The following PTPN9 variants were observed in gnomAD, a reference collection of about 807,000 sequenced individuals.
The protein encoded by PTPN9 is protein tyrosine phosphatase non-receptor type 9, also known as tyrosine-protein phosphatase non-receptor type 9.
Under a neutral mutation model 69.8 loss-of-function variants are expected in PTPN9, and 26 were observed. The observed-to-expected ratio is 0.37, with a 90% confidence interval of 0.27 to 0.52. The LOEUF (loss-of-function observed/expected upper bound fraction) is 0.52. Ranked by LOEUF, PTPN9 falls within the 20% of genes least tolerant of loss-of-function variation. The pLI is 0.91. For missense variants in PTPN9, 549 were observed against 740.3 expected (o/e 0.74, Z 3.00); for synonymous variants, 274 against 272.5 (o/e 1.01, Z -0.05).
rs77420548 is a variant in PTPN9 at position 75,506,981 on chromosome 15, C to A, written c.640-978G>T. Among the ~76,000 whole-genome samples, 357 of 152,252 alleles carry A rather than the reference C, an allele frequency of 2.3e-3. 9 individuals carry two copies. In the East Asian group the frequency reaches 0.062, roughly 27 times the overall value. On this transcript the variant is annotated intron_variant, in intron 6 of 12. Transcript: ENST00000618819. ...TGTATCTCTGTGTTCCCTATCAAGACCATGAGCTCCTTGAGGGTAGACTGT... is the reference window on the plus strand; with the variant it reads ...TGTATCTCTGTGTTCCCTATCAAGAACATGAGCTCCTTGAGGGTAGACTGT...
chr15:75,486,036 G>A (rs994350051), intron 8 of PTPN9, among the ~76,000 whole-genome samples: 1 of 145,216 alleles, frequency 6.9e-6, no homozygotes, highest in Non-Finnish European at 1.5e-5. Context: ...GGAGGTGGAG[G>A]TTGCAGTGAG....
intron 5 of PTPN9, among the ~76,000 whole-genome samples, chr15:75,511,865 T>G (rs2074846576): frequency 8.2e-6 from 1 of 121,898 alleles, no homozygotes; most frequent in East Asian, 2.3e-4. Context: ...GAGACTCACT[T>G]TAATATTTTT....
chr15:75,578,738 C>A lies in PTPN9; in HGVS notation c.39G>T (p.Pro13=). 2 of 1,332,246 alleles carry A rather than the reference C, an allele frequency of 1.5e-6. No individual in the cohort carries two copies. Among genetic ancestry groups the A allele is most frequent in the Non-Finnish European group, 1.9e-6 (2 of 1,039,692 alleles). 82.5% of individuals were successfully genotyped at this position (1,332,246 alleles called of 1,614,324 possible). Reference sequence around the variant, plus strand: ...CCTGCTCCTCCTCCGGGGTCAGCTCCGGCGCCATGTCGGGCCGGGGCGCGG... The same window carrying A: ...CCTGCTCCTCCTCCGGGGTCAGCTCAGGCGCCATGTCGGGCCGGGGCGCGG... ...PATAPRPDMA[P]ELTPEEEQAT... The change falls in exon 1 of 13, where the codon CCG becomes CCT. Residue 13 remains proline, a synonymous_variant. Coordinates refer to ENST00000618819, the MANE Select transcript of PTPN9 (RefSeq NM_002833.4).
chr15:75,485,358 T>TA, intron 8 of PTPN9, among the ~76,000 whole-genome samples: 1 of 132,854 alleles, frequency 7.5e-6, no homozygotes, highest in South Asian at 2.6e-4. Context: ...TCACTTCTTT[T>TA]TTTTTTTTTT....
intron 1 of PTPN9, among the ~76,000 whole-genome samples, chr15:75,530,809 A>T (rs192377289): frequency 7.2e-4 from 64 of 88,836 alleles, no homozygotes; most frequent in African/African-American, 2.6e-3. Flanking sequence ...ATATTATAAT[A>T]TATCATAATA....
chr15:75,527,352 C>T (rs2074933868), intron 1 of PTPN9, 91 bp from the exon 2 acceptor site: 1 of 1,447,976 alleles, frequency 6.9e-7, no homozygotes, highest in South Asian at 1.3e-5. Context: ...CATCCCTTCT[C>T]CAAGCAAGTC....
intron 7 of PTPN9, among the ~76,000 whole-genome samples, chr15:75,498,928 A>G (rs898212066): frequency 6.6e-6 from 1 of 152,170 alleles, no homozygotes; most frequent in African/African-American, 2.4e-5. Flanking sequence ...GGGGAAGTCT[A>G]AATCAGATTG....
At position 75,468,051 on chromosome 15, in the gene PTPN9, T is replaced by C. The variant is rs1032404000; in HGVS notation, c.*718A>G. On this transcript the variant is annotated 3_prime_UTR_variant, in exon 13 of 13. Coordinates refer to ENST00000618819, the MANE Select transcript of PTPN9 (RefSeq NM_002833.4). ...CTCTGTAGCCTGACAAGAGGAGACATGATCACCAACCCAAGCTAGTCCAGG... is the reference window on the plus strand; with the variant it reads ...CTCTGTAGCCTGACAAGAGGAGACACGATCACCAACCCAAGCTAGTCCAGG... The C allele has an allele frequency of 6.6e-6, 1 of 152,534 alleles. No individual in the cohort carries two copies. The highest frequency in any genetic ancestry group is 2.4e-5 in the African/African-American group (1 of 41,402). The allele number at this position is 152,534 out of a possible 1,614,324, so 9.4% of individuals were successfully genotyped here. A position where few individuals can be genotyped will look rare whatever the true frequency, so the allele number is the denominator to read the frequency against.
At chr15:75,486,669 A>G (rs1205368064) in intron 8 of PTPN9, among the ~76,000 whole-genome samples, 1 of 152,222 alleles carries the variant, frequency 6.6e-6, no homozygotes, top group Non-Finnish European at 1.5e-5. Flanking sequence ...TTCACTAAAA[A>G]ACCTGAATCC....
chr15:75,504,317 A>T (rs1267389266), intron 7 of PTPN9, among the ~76,000 whole-genome samples: 483 of 79,134 alleles, frequency 6.1e-3, no homozygotes, highest in Admixed American at 7.5e-3. Context: ...GCCTCTGCCC[A>T]GCCGCCCCTA....
chr15:75,577,856 C>T (rs942838783), intron 1 of PTPN9, among the ~76,000 whole-genome samples: 2 of 152,068 alleles, frequency 1.3e-5, no homozygotes, highest in African/African-American at 4.8e-5. Flanking sequence ...AAGGAAGAGA[C>T]AGCGAAAAGC....
At chr15:75,566,187 C>CT (rs1195070510) in intron 1 of PTPN9, among the ~76,000 whole-genome samples, 4 of 151,726 alleles carry the variant, frequency 2.6e-5, no homozygotes, top group African/African-American at 9.7e-5. Flanking sequence ...ACAAAGGAAG[C>CT]TGAGGGATTC....
chr15:75,553,528 C>T (rs114932845), intron 1 of PTPN9, among the ~76,000 whole-genome samples: 8 of 152,218 alleles, frequency 5.3e-5, no homozygotes, highest in African/African-American at 1.7e-4. Context: ...ATATTCCCTC[C>T]ACTCCATCCA....
chr15:75,515,352 G>A (rs570621425), intron 5 of PTPN9, among the ~76,000 whole-genome samples: 1 of 151,472 alleles, frequency 6.6e-6, no homozygotes, highest in East Asian at 1.9e-4. Context: ...GCGTGAACCT[G>A]GGAGGCGGAG....
At chr15:75,501,685 T>G (rs544826443) in intron 7 of PTPN9, among the ~76,000 whole-genome samples, 1 of 152,102 alleles carries the variant, frequency 6.6e-6, no homozygotes, top group Non-Finnish European at 1.5e-5. Flanking sequence ...CTCAAACTCC[T>G]GGGCACAAAT....
intron 1 of PTPN9, among the ~76,000 whole-genome samples, chr15:75,547,060 C>A (rs2075036257): frequency 6.6e-6 from 1 of 151,580 alleles, no homozygotes; most frequent in Non-Finnish European, 1.5e-5. Flanking sequence ...CTTTGGGAGG[C>A]CTGGGTGGGT....
chr15:75,575,918 C>CAA lies in PTPN9; in HGVS notation c.63+2794_63+2795dup, dbSNP rs759810846. The stretch of plus-strand genomic sequence containing the variant: ...TGGGCAACAGAGCAAGACTCCATCT[C>CAA]AAAAAAAAAAAAAAAAAAAAAAAGA... On this transcript the variant is annotated intron_variant, in intron 1 of 12. Transcript: ENST00000618819. Among the ~76,000 whole-genome samples, 329 of 38,218 alleles carry CAA rather than the reference C, an allele frequency of 8.6e-3. 8 individuals carry two copies. The highest frequency in any genetic ancestry group is 0.083 in the Middle Eastern group (3 of 36). The allele number at this position is 38,218 out of a possible 152,430, so 25.1% of individuals were successfully genotyped here.
intron 1 of PTPN9, among the ~76,000 whole-genome samples, chr15:75,563,170 G>T (rs1250512831): frequency 2.6e-5 from 4 of 151,998 alleles, no homozygotes; most frequent in Non-Finnish European, 5.9e-5. Flanking sequence ...CCACTTATAA[G>T]TGATAATGTA....
intron 2 of PTPN9, among the ~76,000 whole-genome samples, 157 bp downstream of exon 2, chr15:75,526,961 C>CA (rs1386824494): frequency 6.6e-6 from 1 of 152,170 alleles, no homozygotes; most frequent in Non-Finnish European, 1.5e-5. Flanking sequence ...CTGCCTTGCC[C>CA]AGCTTCAGCT....
Sources: allele counts gnomAD v4.1 joint callset (sites outside exome capture counted in the v4.1 genomes callset), GRCh38; gene constraint gnomAD v4.1.1; transcripts MANE v1.5; gene names NCBI Gene and HGNC (gene_info 2026-07-23, HGNC 2026-07-21).